CACNG2: variants seen among roughly 807,000 people sequenced by gnomAD.
The protein encoded by CACNG2 is voltage-dependent calcium channel gamma-2 subunit.
CACNG2 carries 3 observed loss-of-function variants against 25.9 expected under a neutral mutation model. The ratio of observed to expected loss-of-function variants is 0.12; its 90% confidence interval spans 0.05 to 0.30. CACNG2 has a LOEUF of 0.30. Ranked by LOEUF, CACNG2 falls within the 10% of genes least tolerant of loss-of-function variation. The probability of loss-of-function intolerance (pLI) is 1.00; values close to 1 mark genes in which losing one functional copy is unlikely to be tolerated. For missense variants in CACNG2, 341 were observed against 432.5 expected (o/e 0.79, Z 1.88); for synonymous variants, 167 against 173.3 (o/e 0.96, Z 0.29).
intron 1 of CACNG2, among the ~76,000 whole-genome samples, chr22:36,638,346 A>G (rs1485614592): frequency 1.3e-5 from 2 of 152,154 alleles, no homozygotes; most frequent in East Asian, 1.9e-4. Context: ...GCTGGAATCC[A>G]GGACACTTAT....
intron 2 of CACNG2, among the ~76,000 whole-genome samples, chr22:36,571,888 A>C (rs13057888): frequency 1.6e-3 from 208 of 126,670 alleles, no homozygotes; most frequent in Non-Finnish European, 2.6e-3. Flanking sequence ...AAAACAAAAA[A>C]AAAAAAAAAA....
intron 1 of CACNG2, among the ~76,000 whole-genome samples, chr22:36,689,146 T>G (rs1385862645): frequency 1.3e-5 from 2 of 152,146 alleles, no homozygotes; most frequent in Non-Finnish European, 2.9e-5. Flanking sequence ...ATCAAGTCCC[T>G]GAGCTCACTG....
intron 1 of CACNG2, among the ~76,000 whole-genome samples, chr22:36,639,924 T>C (rs748354995): frequency 6.6e-6 from 1 of 152,146 alleles, no homozygotes; most frequent in African/African-American, 2.4e-5. Flanking sequence ...GGAGGGGCCA[T>C]TTAGCCCCCA....
chr22:36,646,559 G>A (rs777635868), intron 1 of CACNG2, among the ~76,000 whole-genome samples: 1 of 152,144 alleles, frequency 6.6e-6, no homozygotes, highest in African/African-American at 2.4e-5. Context: ...CTGTAAAATT[G>A]AGCAGATAAT....
chr22:36,620,871 T>C (rs538470736), intron 1 of CACNG2, among the ~76,000 whole-genome samples: 1 of 152,368 alleles, frequency 6.6e-6, no homozygotes, highest in Non-Finnish European at 1.5e-5. Flanking sequence ...ATCCTTATCC[T>C]TCAAGGCTGA....
chr22:36,611,845 G>A (rs956757347), intron 1 of CACNG2, among the ~76,000 whole-genome samples: 9 of 152,168 alleles, frequency 5.9e-5, no homozygotes, highest in African/African-American at 1.2e-4. Context: ...TAGCCGTCTC[G>A]GGGACAAGGG....
chr22:36,564,694 G>T lies in CACNG2; in HGVS notation c.629C>A (p.Ala210Asp), dbSNP rs754196562. 6.2e-7 allele frequency: 1 copy of T among 1,614,054 alleles called. No homozygotes were observed. Among genetic ancestry groups the T allele is most frequent in the Non-Finnish European group, 8.5e-7 (1 of 1,180,034 alleles). ...GAGGTAGTCCGTGGCGCGGGCCGTG[G>T]CCCGCAGCTGTTTGTGCCGGTCGAT... ...MFIDRHKQLR[A>D]TARATDYLQA... The change falls in exon 4 of 4, where the codon GCC becomes GAC. Residue 210 changes from alanine (A) to aspartate (D), a missense_variant. Transcript: ENST00000300105. The surrounding 1 kb of genome is among the most constrained non-coding windows in gnomAD (Gnocchi z 6.7).
At chr22:36,615,418 G>C (rs1306575917) in intron 1 of CACNG2, among the ~76,000 whole-genome samples, 1 of 152,152 alleles carries the variant, frequency 6.6e-6, no homozygotes, top group East Asian at 1.9e-4. Flanking sequence ...AGCCACACTG[G>C]ATTCCTGATT....
rs371102313 is a variant in CACNG2, at chr22:36,596,560, C to T, written c.212-9012G>A. On this transcript the variant is annotated intron_variant, in intron 1 of 3. Transcript: ENST00000300105. ...AGTCTCAGTGGGTAGTTTCGAATGCCTACTGTGTGCTAGGCACTGGGCAGG... is the reference window on the plus strand; with the variant it reads ...AGTCTCAGTGGGTAGTTTCGAATGCTTACTGTGTGCTAGGCACTGGGCAGG... Among the ~76,000 whole-genome samples the T allele has an allele frequency of 2.6e-5, 4 of 152,146 alleles. No homozygotes were observed. In the East Asian group the frequency reaches 7.7e-4, roughly 29 times the overall value.
At chr22:36,565,168 A>ATAGATATTGTTCATTGAGCCTTCTC (rs1268758799) in intron 3 of CACNG2, among the ~76,000 whole-genome samples, 3 of 152,220 alleles carry the variant, frequency 2.0e-5, no homozygotes, top group African/African-American at 7.2e-5. Flanking sequence ...GTAACTAATA[A>ATAGATATTGTTCATTGAGCCTTCTC]TAGATATTGT....
intron 1 of CACNG2, among the ~76,000 whole-genome samples, chr22:36,678,154 G>A (rs893622369): frequency 2.0e-5 from 3 of 152,186 alleles, no homozygotes; most frequent in Admixed American, 1.3e-4. Flanking sequence ...TAGGTAAAAT[G>A]AGGCCACGTA....
At chr22:36,682,226 G>C (rs1937134141) in intron 1 of CACNG2, among the ~76,000 whole-genome samples, 1 of 152,218 alleles carries the variant, frequency 6.6e-6, no homozygotes, top group African/African-American at 2.4e-5. Context: ...CCAGTGAAGA[G>C]ACGGAGTCCC....
intron 1 of CACNG2, among the ~76,000 whole-genome samples, chr22:36,670,271 G>A (rs897531046): frequency 6.6e-6 from 1 of 152,200 alleles, no homozygotes; most frequent in African/African-American, 2.4e-5. Flanking sequence ...ATTAGGGCCA[G>A]TTCATTTTTT....
At chr22:36,634,315 C>T (rs1936323251) in intron 1 of CACNG2, among the ~76,000 whole-genome samples, 1 of 152,168 alleles carries the variant, frequency 6.6e-6, no homozygotes, top group Non-Finnish European at 1.5e-5. Flanking sequence ...CCATTACAGC[C>T]TCTCCTAGAT....
At chr22:36,697,194 G>A (rs987471843) in intron 1 of CACNG2, among the ~76,000 whole-genome samples, 26 of 152,288 alleles carry the variant, frequency 1.7e-4, no homozygotes, top group African/African-American at 6.0e-4. Context: ...CTCACAGGGG[G>A]CGTGGACCAG....
Position 36,566,377 on chromosome 22 carries a change from C to A in CACNG2, c.412G>T (p.Ala138Ser), listed in dbSNP as rs766391934. 6.2e-7 allele frequency: 1 copy of A among 1,614,146 alleles called. No individual in the cohort carries two copies. The highest frequency in any genetic ancestry group is 8.5e-7 in the Non-Finnish European group (1 of 1,180,038). Residue 138 changes from alanine to serine, a missense_variant, in exon 3 of 4, where the codon GCC becomes TCC. Around this residue, in one of 2 missense-constraint regions of CACNG2, gnomAD observed 169 missense variants for 254.4 expected, o/e 0.66. Transcript: ENST00000300105. ...YKTRHNIILSAGIFFVSAGLS... is the reference protein window; with the variant it reads ...YKTRHNIILSSGIFFVSAGLS... ...CCTGCAGACACGAAGAAGATGCCGG[C>A]ACTCAGGATGATGTTGTGTCGAGTT...
chr22:36,656,946 G>A (rs750586061), intron 1 of CACNG2, among the ~76,000 whole-genome samples: 1 of 152,178 alleles, frequency 6.6e-6, no homozygotes, highest in Non-Finnish European at 1.5e-5. Flanking sequence ...TTGGTTGTCT[G>A]CCTATCTCCA....
At chr22:36,607,237 C>A (rs146699176) in intron 1 of CACNG2, among the ~76,000 whole-genome samples, 182 of 152,162 alleles carry the variant, frequency 1.2e-3, no homozygotes, top group Admixed American at 3.3e-3. Context: ...CAGATTTCCC[C>A]AAACCTGTCT....
chr22:36,565,581 C>T (rs1457742619), intron 3 of CACNG2, among the ~76,000 whole-genome samples: 2 of 151,918 alleles, frequency 1.3e-5, no homozygotes, highest in African/African-American at 4.8e-5. Context: ...TGGGATCAAG[C>T]GATCCTCCCA....
Sources: allele counts gnomAD v4.1 joint callset (sites outside exome capture counted in the v4.1 genomes callset), GRCh38; gene constraint gnomAD v4.1.1; regional missense constraint gnomAD v4.1.1; non-coding constraint Gnocchi (gnomAD v3.1); transcripts MANE v1.5; gene names NCBI Gene and HGNC (gene_info 2026-07-23, HGNC 2026-07-21).